MOB3A: variants seen among roughly 807,000 people sequenced by gnomAD.
MOB3A encodes MOB kinase activator 3A, also known as MOB LAK.
A neutral mutation model predicts 17.8 loss-of-function variants in MOB3A; 17 were observed. That is an observed-to-expected ratio of 0.95 (90% CI 0.65 to 1.43). MOB3A has a LOEUF of 1.43. Ranked by LOEUF, MOB3A falls within the 40% of genes most tolerant of loss-of-function variation. The pLI is 0.00. For missense variants in MOB3A, 333 were observed against 310.8 expected (o/e 1.07, Z -0.54); for synonymous variants, 124 against 133.2 (o/e 0.93, Z 0.48).
chr19:2,078,318 G>A lies in MOB3A; in HGVS notation c.243C>T (p.Asp81=), dbSNP rs144114134. The change falls in exon 3 of 5, where the codon GAC becomes GAT. Residue 81 remains aspartate, a synonymous_variant. Transcript: ENST00000357066. The stretch of plus-strand genomic sequence containing the variant: ...CGGGGCAGGACTGCTCCGTGCAGCC[G>A]TCGCTGATGGTGCCGTAGATGAGGT... ...RVNLIYGTIS[D]GCTEQSCPVM... The A allele has an allele frequency of 5.2e-5, 84 of 1,614,154 alleles. No homozygotes were observed. In the African/African-American group the frequency reaches 6.1e-4, roughly 12 times the overall value.
chr19:2,078,440 C>CG lies in MOB3A; in HGVS notation c.120dup (p.Ala41ArgfsTer30), dbSNP rs2017444604. On this transcript the variant is annotated frameshift_variant, in exon 3 of 5. Coordinates refer to ENST00000357066, the MANE Select transcript of MOB3A (RefSeq NM_130807.3). LOFTEE classifies it high-confidence loss of function. Reference sequence around the variant, plus strand: ...ACGGCCAGCCGCAGGTCCAGCCCGGCGTTCAGCGACGCCTGCGCCTTCTTG... The same window carrying CG: ...ACGGCCAGCCGCAGGTCCAGCCCGGCGGTTCAGCGACGCCTGCGCCTTCTTG... 6.2e-7 allele frequency: 1 copy of CG among 1,613,580 alleles called. No individual in the cohort carries two copies. The highest frequency in any genetic ancestry group is 8.5e-7 in the Non-Finnish European group (1 of 1,179,746).
intron 1 of MOB3A, among the ~76,000 whole-genome samples, chr19:2,091,742 T>C (rs1309832165): frequency 6.8e-6 from 1 of 147,266 alleles, no homozygotes; most frequent in Non-Finnish European, 1.5e-5. Context: ...CTCATGCCTG[T>C]AATCCCAGCA....
At chr19:2,081,682 A>G (rs2144925457) in intron 2 of MOB3A, among the ~76,000 whole-genome samples, 1 of 152,092 alleles carries the variant, frequency 6.6e-6, no homozygotes, top group East Asian at 1.9e-4. Context: ...TCAGGAGTTC[A>G]AGACCAGCCT....
chr19:2,074,202 G>C (rs2017375106), intron 4 of MOB3A, among the ~76,000 whole-genome samples: 1 of 152,178 alleles, frequency 6.6e-6, no homozygotes, highest in African/African-American at 2.4e-5. Flanking sequence ...GCTGAGGGAG[G>C]GGAATCACTT....
At chr19:2,094,841 T>A (rs2017653924) in intron 1 of MOB3A, among the ~76,000 whole-genome samples, 1 of 152,230 alleles carries the variant, frequency 6.6e-6, no homozygotes, top group Non-Finnish European at 1.5e-5. Flanking sequence ...CCGTATAAAC[T>A]GTTAAGGAGA....
intron 1 of MOB3A, among the ~76,000 whole-genome samples, chr19:2,089,860 T>C (rs2017593366): frequency 6.6e-6 from 1 of 151,840 alleles, no homozygotes; most frequent in African/African-American, 2.4e-5. Context: ...GCACTGCAGG[T>C]GCTGAGCAAT....
At chr19:2,092,494 G>A (rs1599413548) in intron 1 of MOB3A, among the ~76,000 whole-genome samples, 1 of 152,232 alleles carries the variant, frequency 6.6e-6, no homozygotes, top group East Asian at 1.9e-4. Flanking sequence ...AAGGAAAAGG[G>A]GGTGAGGCGC....
intron 2 of MOB3A, among the ~76,000 whole-genome samples, chr19:2,079,340 AG>A (rs1195848544): frequency 6.6e-6 from 1 of 152,256 alleles, no homozygotes; most frequent in Non-Finnish European, 1.5e-5. Flanking sequence ...GCCTCCACAA[AG>A]GAAGCCACAC....
chr19:2,081,355 A>C lies in MOB3A; in HGVS notation c.-119-2676T>G, dbSNP rs559711645. On this transcript the variant is annotated intron_variant, in intron 2 of 4. Coordinates refer to ENST00000357066, the MANE Select transcript of MOB3A (RefSeq NM_130807.3). ...GTAATCCCGGCACTTTGGGAGGCCG[A>C]GGCGGGTGGATCACCTGAGGTCGGG... is the stretch of plus-strand genomic sequence containing the variant. 1.8e-3 allele frequency among the ~76,000 whole-genome samples: 279 copies of C among 152,296 alleles called. 1 individual carries two copies. Among genetic ancestry groups the C allele is most frequent in the Non-Finnish European group, 2.9e-3 (198 of 68,018 alleles).
intron 4 of MOB3A, among the ~76,000 whole-genome samples, chr19:2,076,103 AGGGAGG>A (rs1381263596): frequency 1.8e-5 from 2 of 114,264 alleles, no homozygotes; most frequent in Non-Finnish European, 1.7e-5. Context: ...AGCCTGGGTG[AGGGAGG>A]CAGACTCCAT....
intron 1 of MOB3A, among the ~76,000 whole-genome samples, chr19:2,089,748 G>T (rs2017592240): frequency 6.6e-6 from 1 of 152,092 alleles, no homozygotes; most frequent in African/African-American, 2.4e-5. Flanking sequence ...CTGGTGTCTG[G>T]TGTGAGCAGG....
At chr19:2,091,271 G>C (rs971793843) in intron 1 of MOB3A, among the ~76,000 whole-genome samples, 2 of 152,136 alleles carry the variant, frequency 1.3e-5, no homozygotes, top group Admixed American at 6.6e-5. Context: ...GTGTAACCCA[G>C]GACGGCCCGG....
Position 2,082,497 on chromosome 19 carries a change from T to C in MOB3A, c.-120+2678A>G, listed in dbSNP as rs1474252257. Among the ~76,000 whole-genome samples, 6 of 152,124 alleles carry C rather than the reference T, an allele frequency of 3.9e-5. No homozygotes were observed. Among genetic ancestry groups the C allele is most frequent in the African/African-American group, 1.4e-4 (6 of 41,424 alleles). On this transcript the variant is annotated intron_variant, in intron 2 of 4. Transcript: ENST00000357066. The surrounding 1 kb of genome is among the most constrained non-coding windows in gnomAD (Gnocchi z 4.1). ...GCAGTGTCTCACGCCACAGAGCTAG[T>C]GGGTGGATCGGCTGGGGCTCGAACC...
chr19:2,083,664 C>G (rs149115415), intron 2 of MOB3A, among the ~76,000 whole-genome samples: 1 of 152,318 alleles, frequency 6.6e-6, no homozygotes, highest in East Asian at 1.9e-4. Context: ...CGCTTCACAT[C>G]TGGGCCGACT....
At chr19:2,086,729 G>T (rs975864748) in intron 1 of MOB3A, among the ~76,000 whole-genome samples, 1 of 152,146 alleles carries the variant, frequency 6.6e-6, no homozygotes, top group Non-Finnish European at 1.5e-5. Flanking sequence ...CTGGAGGATG[G>T]CTGCGTCTTC....
chr19:2,095,934 G>A (rs2017683470), intron 1 of MOB3A, among the ~76,000 whole-genome samples: 1 of 151,954 alleles, frequency 6.6e-6, no homozygotes, highest in Admixed American at 6.6e-5. Flanking sequence ...GGTACAGACG[G>A]GGTTTCACCA....
intron 3 of MOB3A, among the ~76,000 whole-genome samples, chr19:2,077,825 C>T (rs1385264244): frequency 6.6e-6 from 1 of 151,738 alleles, no homozygotes; most frequent in East Asian, 1.9e-4. Flanking sequence ...GCTCTGTCAC[C>T]CAGGCTGGAG....
At chr19:2,075,532 G>A (rs114497939) in intron 4 of MOB3A, among the ~76,000 whole-genome samples, 1,746 of 152,204 alleles carry the variant, frequency 0.011, 15 homozygotes, top group Middle Eastern at 0.041. Context: ...GGCTGGTGGG[G>A]TCCCGCTCTC....
Position 2,082,699 on chromosome 19 carries a change from C to T in MOB3A, c.-120+2476G>A, listed in dbSNP as rs1207314266. Among the ~76,000 whole-genome samples the T allele has an allele frequency of 1.3e-5, 2 of 152,186 alleles. No homozygotes were observed. Among genetic ancestry groups the T allele is most frequent in the African/African-American group, 2.4e-5 (1 of 41,438 alleles). ...GCCAGCGCTGCTCCACCACGGGGCC[C>T]CTCCACTGCCTAGCAGAGCCACGTG... is the stretch of plus-strand genomic sequence containing the variant. On this transcript the variant is annotated intron_variant, in intron 2 of 4. Coordinates refer to ENST00000357066, the MANE Select transcript of MOB3A (RefSeq NM_130807.3). The surrounding 1 kb of genome is among the most constrained non-coding windows in gnomAD (Gnocchi z 4.1).
Sources: gnomAD v4.1 joint callset for allele counts (sites outside exome capture counted in the v4.1 genomes callset) on GRCh38, gnomAD v4.1.1 for gene constraint, Gnocchi (gnomAD v3.1) non-coding constraint, MANE v1.5 for transcripts, NCBI Gene and HGNC (gene_info 2026-07-23, HGNC 2026-07-21) for gene names.